The following PSMA4 variants were observed in gnomAD, a reference collection of about 807,000 sequenced individuals.
PSMA4 encodes proteasome 20S subunit alpha 4, also known as proteasome subunit alpha type-4.
PSMA4 carries 8 observed loss-of-function variants against 37.2 expected under a neutral mutation model. The ratio of observed to expected loss-of-function variants is 0.22; its 90% CI spans 0.13 to 0.39. The LOEUF (loss-of-function observed/expected upper bound fraction) is 0.39, where lower values mean the gene tolerates loss of function less well. Among genes scored for constraint, PSMA4 ranks in the 10% least tolerant of loss-of-function variants. The pLI is 1.00. For missense variants in PSMA4, 169 were observed against 305.1 expected (o/e 0.55, Z 3.32); for synonymous variants, 93 against 98.8 (o/e 0.94, Z 0.35).
chr15:78,546,051 C>G (rs970862683), intron 7 of PSMA4, among the ~76,000 whole-genome samples: 3 of 151,992 alleles, frequency 2.0e-5, no homozygotes, highest in African/African-American at 4.8e-5. Context: ...ATGACAGACC[C>G]CTTGGGAGAC....
intron 2 of PSMA4, 103 bp downstream of exon 2, chr15:78,542,033 G>A: frequency 6.7e-7 from 1 of 1,482,748 alleles, no homozygotes; most frequent in African/African-American, 1.4e-5. Context: ...GGAAAGCAGT[G>A]AGAAGGTGCC....
At position 78,549,659 on chromosome 15, in the gene PSMA4, T is replaced by A. The variant is rs1443748874; in HGVS notation, c.*715T>A. On this transcript the variant is annotated 3_prime_UTR_variant, in exon 9 of 9. Transcript: ENST00000044462. ...AGCATCACCTATGCAGATTCTGATG[T>A]CCCATCCCAGATCTACTGAATTAAA... The A allele has an allele frequency of 6.6e-6, 1 of 152,252 alleles. No individual in the cohort carries two copies. Among genetic ancestry groups the A allele is most frequent in the Non-Finnish European group, 1.5e-5 (1 of 68,032 alleles). The allele number at this position is 152,252 out of a possible 1,614,324, so 9.4% of individuals were successfully genotyped here.
In PSMA4 at chr15:78,546,694, A is replaced by G. The variant is rs778587954; in HGVS notation, c.627A>G (p.Glu209=). The G allele has an allele frequency of 3.1e-6, 5 of 1,597,676 alleles. No individual in the cohort carries two copies. In the Admixed American group the frequency reaches 9.1e-5, roughly 29 times the overall value. ...TGGATGTTAGTAAACTCTCTGCTGA[A>G]AAAGGTAATTCATATCCTCTCCTTT... The part of the protein sequence containing the change: ...KTMDVSKLSA[E]KVEIATLTRE... The change falls in exon 8 of 9, where the codon GAA becomes GAG. Residue 209 remains glutamate, a synonymous_variant. Transcript: ENST00000044462.
In PSMA4 at chr15:78,541,916, A is replaced by C; in HGVS notation, c.-12A>C. 1 of 1,592,236 alleles carries C rather than the reference A, an allele frequency of 6.3e-7. No homozygotes were observed. Among genetic ancestry groups the C allele is most frequent in the Admixed American group, 1.7e-5 (1 of 58,158 alleles). ...TTTTCTTTTTACAGGAACTATATAA[A>C]GTTCAGAAAACATGGTGAGTTAATA... On this transcript the variant is annotated 5_prime_UTR_variant, in exon 2 of 9. Transcript: ENST00000044462.
chr15:78,541,771 G>T, intron 1 of PSMA4, 134 bp from the exon 2 acceptor site: 2 of 725,010 alleles, frequency 2.8e-6, no homozygotes, highest in South Asian at 1.7e-5. Flanking sequence ...TACACATTTT[G>T]GTATTCCAGC....
Position 78,544,118 on chromosome 15 carries a change from T to G in PSMA4, c.210-72T>G. 4 of 1,156,578 alleles carry G rather than the reference T, an allele frequency of 3.5e-6. No homozygotes were observed. The East Asian group carries it at 7.7e-5, about 22-fold the overall frequency. 71.6% of individuals were successfully genotyped at this position (1,156,578 alleles called of 1,614,324 possible). A position where few individuals can be genotyped will look rare whatever the true frequency, so the allele number is the denominator to read the frequency against. On this transcript the variant is annotated intron_variant, in intron 4 of 8. Coordinates refer to ENST00000044462, the MANE Select transcript of PSMA4 (RefSeq NM_002789.6). ...GTGAATTTCTAATAGAAATTAGAAT[T>G]TTTTAAATACTTATAAACACTCCTT...
At chr15:78,546,514 C>A in intron 7 of PSMA4, 61 bp from the exon 8 acceptor site, 1 of 1,439,016 alleles carries the variant, frequency 6.9e-7, no homozygotes, top group Non-Finnish European at 9.4e-7. Context: ...TTCTTCTAGA[C>A]CAATTCATGT....
intron 7 of PSMA4, 69 bp downstream of exon 7, chr15:78,545,833 A>G (rs989583924): frequency 2.3e-5 from 35 of 1,520,880 alleles, no homozygotes; most frequent in Non-Finnish European, 3.2e-5. Context: ...TGCCATGGTG[A>G]TGAATGTAAA....
chr15:78,541,111 T>C (rs59683676), intron 1 of PSMA4: 39,710 of 151,730 alleles, frequency 0.26, 5,876 homozygotes, highest in Admixed American at 0.46. Context: ...TGGGAATCAT[T>C]CAGAGGAGCC....
rs982840339 is a variant in PSMA4, at chr15:78,550,953, C to T, written c.*2009C>T. The T allele has an allele frequency of 2.0e-5, 3 of 152,158 alleles. No individual in the cohort carries two copies. The highest frequency in any genetic ancestry group is 7.2e-5 in the African/African-American group (3 of 41,424). 9.4% of individuals were successfully genotyped at this position (152,158 alleles called of 1,614,324 possible). A position where few individuals can be genotyped will look rare whatever the true frequency, so the allele number is the denominator to read the frequency against. ...CAGCAAGTAGTGAAGATGAATGGCA[C>T]GTCTTCACCCTCCAGTCTTGCTACA... On this transcript the variant is annotated 3_prime_UTR_variant, in exon 9 of 9. Transcript: ENST00000044462.
At chr15:78,546,509 C>T in intron 7 of PSMA4, 66 bp from the exon 8 acceptor site, 2 of 1,406,598 alleles carry the variant, frequency 1.4e-6, no homozygotes, top group Non-Finnish European at 1.9e-6. Flanking sequence ...CATTTTTCTT[C>T]TAGACCAATT....
chr15:78,549,570 A>G lies in PSMA4; in HGVS notation c.*626A>G, dbSNP rs747297559. Reference sequence around the variant, plus strand: ...TTGTTCAACCTGAGTTCCCTTGGCTATCTGTGGCTTCATGACAGAAGTGAT... The same window carrying G: ...TTGTTCAACCTGAGTTCCCTTGGCTGTCTGTGGCTTCATGACAGAAGTGAT... On this transcript the variant is annotated 3_prime_UTR_variant, in exon 9 of 9. Coordinates refer to ENST00000044462, the MANE Select transcript of PSMA4 (RefSeq NM_002789.6). 6.6e-6 allele frequency: 1 copy of G among 152,302 alleles called. No individual in the cohort carries two copies. The highest frequency in any genetic ancestry group is 1.5e-5 in the Non-Finnish European group (1 of 68,082). 9.4% of individuals were successfully genotyped at this position (152,302 alleles called of 1,614,324 possible). A position where few individuals can be genotyped will look rare whatever the true frequency, so the allele number is the denominator to read the frequency against.
At position 78,548,708 on chromosome 15, in the gene PSMA4, A is replaced by G. The variant is rs1049519873; in HGVS notation, c.632-82A>G. 10 of 1,520,170 alleles carry G rather than the reference A, an allele frequency of 6.6e-6. No homozygotes were observed. The African/African-American group carries it at 9.7e-5, about 15-fold the overall frequency. The allele number at this position is 1,520,170 out of a possible 1,614,324, so 94.2% of individuals were successfully genotyped here. On this transcript the variant is annotated intron_variant, in intron 8 of 8. Coordinates refer to ENST00000044462, the MANE Select transcript of PSMA4 (RefSeq NM_002789.6). The stretch of plus-strand genomic sequence containing the variant: ...AACGTTTCAATGATGTGGCGAGCAT[A>G]AACCATGAGTGCCTATTAAGCTTCT...
intron 7 of PSMA4, 92 bp from the exon 8 acceptor site, chr15:78,546,483 C>A: frequency 1.7e-6 from 2 of 1,182,102 alleles, no homozygotes; most frequent in Non-Finnish European, 2.3e-6. Flanking sequence ...ACTTGTAATG[C>A]CAATAATAAT....
chr15:78,543,566 C>CTTTTTTTT (rs11414100), intron 4 of PSMA4, among the ~76,000 whole-genome samples: 2 of 109,798 alleles, frequency 1.8e-5, no homozygotes, highest in Non-Finnish European at 3.5e-5. Flanking sequence ...CTAGCAAAAT[C>CTTTTTTTT]TTTTTTTTTT....
rs1019166790 is a variant in PSMA4 at position 78,549,207 on chromosome 15, C to A, written c.*263C>A. ...GAAAATGGAAATGAAGGAATAAATT[C>A]TCTGTAGCAGTAATTGTTAAATATA... On this transcript the variant is annotated 3_prime_UTR_variant, in exon 9 of 9. Coordinates refer to ENST00000044462, the MANE Select transcript of PSMA4 (RefSeq NM_002789.6). 2.9e-5 allele frequency: 9 copies of A among 313,698 alleles called. No homozygotes were observed. The highest frequency in any genetic ancestry group is 1.5e-4 in the African/African-American group (7 of 46,254). The allele number at this position is 313,698 out of a possible 1,614,324, so 19.4% of individuals were successfully genotyped here. A position where few individuals can be genotyped will look rare whatever the true frequency, so the allele number is the denominator to read the frequency against.
intron 8 of PSMA4, among the ~76,000 whole-genome samples, chr15:78,546,954 C>T (rs986817074): frequency 2.6e-5 from 4 of 152,016 alleles, no homozygotes; most frequent in Non-Finnish European, 4.4e-5. Context: ...TTAGTAGAGA[C>T]GGGGTTTCAC....
In PSMA4 at chr15:78,546,563, C is replaced by T. The variant is rs756077670; in HGVS notation, c.508-12C>T. The T allele has an allele frequency of 6.4e-7, 1 of 1,567,720 alleles. No individual in the cohort carries two copies. Among genetic ancestry groups the T allele is most frequent in the African/African-American group, 1.4e-5 (1 of 71,628 alleles). ...AAAAACTTAAAATTCTATGTTGATT[C>T]ATGTTTTATAGGCAGCTGTGTCAAT... On this transcript the variant is annotated splice_polypyrimidine_tract_variant and intron_variant, in intron 7 of 8. Transcript: ENST00000044462.
chr15:78,544,583 G>C, intron 5 of PSMA4: 1 of 445,826 alleles, frequency 2.2e-6, no homozygotes, highest in Non-Finnish European at 4.0e-6. Context: ...ACAGGCATTA[G>C]CCACTGCACC....
Sources: gnomAD v4.1 joint callset for allele counts (sites outside exome capture counted in the v4.1 genomes callset) on GRCh38, gnomAD v4.1.1 for gene constraint, MANE v1.5 for transcripts, NCBI Gene and HGNC (gene_info 2026-07-23, HGNC 2026-07-21) for gene names.